MAP7: variants seen among roughly 807,000 people sequenced by gnomAD.
MAP7 encodes microtubule associated protein 7, also known as ensconsin.
Under a neutral mutation model 94.8 loss-of-function variants are expected in MAP7, and 52 were observed. The observed-to-expected ratio is 0.55, with a 90% CI of 0.44 to 0.69. The LOEUF (loss-of-function observed/expected upper bound fraction) is 0.69. MAP7 is among the 30% of genes least tolerant of loss of function. MAP7 has a pLI of 0.00. For synonymous variants in MAP7, 350 were observed against 357.0 expected (o/e 0.98, Z 0.22); for missense variants, 940 against 964.6 (o/e 0.97, Z 0.34).
At position 136,360,656 on chromosome 6, in the gene MAP7, G is replaced by A. The variant is rs530285134; in HGVS notation, c.1803+41C>T. 3.8e-4 allele frequency: 607 copies of A among 1,577,356 alleles called. 10 individuals are homozygous for A. In the South Asian group the frequency reaches 6.2e-3, roughly 16 times the overall value. ...GGGCTAGTCTCTGGGTCTTAGAGGT[G>A]CAAGTTCGCGTCCCGGGCCTCTCTA... On this transcript the variant is annotated intron_variant, in intron 13 of 17. Coordinates refer to ENST00000354570, the MANE Select transcript of MAP7 (RefSeq NM_003980.6).
chr6:136,502,826 T>C (rs566183778), intron 1 of MAP7, among the ~76,000 whole-genome samples: 2 of 149,904 alleles, frequency 1.3e-5, no homozygotes, highest in Non-Finnish European at 3.0e-5. Flanking sequence ...AGAATACTGA[T>C]TTTTTTTTTC....
chr6:136,395,408 ATTT>A (rs34425736), intron 3 of MAP7, among the ~76,000 whole-genome samples: 2,516 of 87,738 alleles, frequency 0.029, 70 homozygotes, highest in African/African-American at 0.099. Flanking sequence ...TTTAATTTGG[ATTT>A]TTTTTTTTTT....
intron 1 of MAP7, among the ~76,000 whole-genome samples, chr6:136,475,117 A>C (rs1455329361): frequency 1.3e-5 from 2 of 152,140 alleles, no homozygotes; most frequent in Non-Finnish European, 2.9e-5. Context: ...AAGTTATTTC[A>C]ATTTTTACTA....
chr6:136,456,825 A>AGAAGAAG (rs1562422425), intron 1 of MAP7, among the ~76,000 whole-genome samples: 95 of 120,074 alleles, frequency 7.9e-4, no homozygotes, highest in East Asian at 1.7e-3. Flanking sequence ...AGAAGAAGGA[A>AGAAGAAG]GAAGAAGAAG....
intron 1 of MAP7, among the ~76,000 whole-genome samples, chr6:136,477,898 T>A (rs965367718): frequency 2.0e-5 from 3 of 152,200 alleles, no homozygotes; most frequent in Non-Finnish European, 4.4e-5. Context: ...GGTTGGAACA[T>A]ATGTTAGGCC....
At chr6:136,524,937 A>C (rs979042024) in intron 1 of MAP7, among the ~76,000 whole-genome samples, 2 of 152,218 alleles carry the variant, frequency 1.3e-5, no homozygotes, top group African/African-American at 4.8e-5. Context: ...CTCATAACCC[A>C]TCTGTTTAAG....
chr6:136,533,513 A>G (rs1454984680), intron 1 of MAP7, among the ~76,000 whole-genome samples: 1 of 152,182 alleles, frequency 6.6e-6, no homozygotes, highest in East Asian at 1.9e-4. Flanking sequence ...TTCATTTCAG[A>G]ATGTTTTAAG....
intron 1 of MAP7, among the ~76,000 whole-genome samples, chr6:136,462,904 G>T (rs1394080000): frequency 1.3e-5 from 2 of 148,616 alleles, no homozygotes; most frequent in African/African-American, 4.9e-5. Context: ...AGAGGTTGCA[G>T]TGAGTCAAGA....
chr6:136,372,695 C>G (rs750039846), intron 7 of MAP7, 70 bp from the exon 8 acceptor site: 1 of 1,604,104 alleles, frequency 6.2e-7, no homozygotes, highest in Non-Finnish European at 8.5e-7. Flanking sequence ...GCCAGAGGAG[C>G]AGTTGAAGAA....
At chr6:136,468,992 G>GTT (rs964945139) in intron 1 of MAP7, among the ~76,000 whole-genome samples, 3 of 146,748 alleles carry the variant, frequency 2.0e-5, no homozygotes, top group African/African-American at 7.5e-5. Context: ...GTTTTTTGTT[G>GTT]TTTTTTTTTT....
Position 136,550,184 on chromosome 6 carries a change from GGA to G in MAP7, c.67+156_67+157del. Among the ~76,000 whole-genome samples the G allele has an allele frequency of 6.6e-6, 1 of 150,638 alleles. No homozygotes were observed. Among genetic ancestry groups the G allele is most frequent in the South Asian group, 2.1e-4 (1 of 4,816 alleles). ...GCGAAGGGCGGGGGAAGGCGCTCTC[GGA>G]GCAGGGTGCGCGGCGCGCAGGGCCG... On this transcript the variant is annotated intron_variant, in intron 1 of 17. Transcript: ENST00000354570. This position sits in a 1 kb window ranked among gnomAD's most constrained non-coding sequence, Gnocchi z 5.1.
intron 1 of MAP7, among the ~76,000 whole-genome samples, chr6:136,500,751 A>C (rs1357074146): frequency 1.3e-5 from 2 of 152,234 alleles, no homozygotes; most frequent in Non-Finnish European, 2.9e-5. Flanking sequence ...GAGTAATCCC[A>C]TATTCCAGGT....
At chr6:136,484,480 T>G (rs1813976983) in intron 1 of MAP7, among the ~76,000 whole-genome samples, 1 of 152,192 alleles carries the variant, frequency 6.6e-6, no homozygotes, top group South Asian at 2.1e-4. Flanking sequence ...TAATGCTTTC[T>G]TTGCCACCTA....
At chr6:136,364,205 CAAG>C (rs915664910) in intron 10 of MAP7, 3 of 531,592 alleles carry the variant, frequency 5.6e-6, no homozygotes, top group Admixed American at 2.0e-5. Context: ...AGGTGACCGT[CAAG>C]GAGGATAAGA....
chr6:136,423,673 G>A (rs755141668), intron 1 of MAP7, among the ~76,000 whole-genome samples: 1 of 149,280 alleles, frequency 6.7e-6, no homozygotes, highest in Non-Finnish European at 1.5e-5. Flanking sequence ...TGGGGGAGAT[G>A]ACAGTTTTCT....
Position 136,361,147 on chromosome 6 carries a change from G to T in MAP7, c.1559C>A (p.Ala520Asp). ...CTCACGGCGAGTCGTCCTCTCTTCA[G>T]CCACACGTTGAGCCAATTCCTCTCT... ...QKREELAQRV[A>D]EERTTRREEE... Residue 520 changes from alanine to aspartate, a missense_variant, in exon 12 of 18, where the codon GCT becomes GAT. Physicochemically the swap from Ala to Asp is moderately radical, Grantham distance 126 (BLOSUM62 -2). Coordinates refer to ENST00000354570, the MANE Select transcript of MAP7 (RefSeq NM_003980.6). 6.2e-7 allele frequency: 1 copy of T among 1,604,728 alleles called. No individual in the cohort carries two copies.
In MAP7 at chr6:136,365,938, G is replaced by C. The variant is rs745772438; in HGVS notation, c.1070C>G (p.Ala357Gly). The change falls in exon 10 of 18, where the codon GCT becomes GGT. Residue 357 changes from alanine (A) to glycine (G), a missense_variant. Ala to Gly is a moderately conservative substitution (Grantham distance 60, BLOSUM62 0). Transcript: ENST00000354570. ...SSLPPGSVKA[A>G]PAQVRPPSPG... ...GGATGGGGGCCGGACCTGAGCAGGAGCAGCTTTGACTGAGCCGGGTGGCAA... is the reference window on the plus strand; with the variant it reads ...GGATGGGGGCCGGACCTGAGCAGGACCAGCTTTGACTGAGCCGGGTGGCAA... The C allele has an allele frequency of 4.3e-6, 7 of 1,613,976 alleles. No individual in the cohort carries two copies. Among genetic ancestry groups the C allele is most frequent in the Admixed American group, 1.7e-5 (1 of 60,004 alleles).
chr6:136,475,972 A>G (rs1406667596), intron 1 of MAP7: 2 of 152,204 alleles, frequency 1.3e-5, no homozygotes, highest in South Asian at 2.1e-4. Flanking sequence ...CATACATTCT[A>G]TGAAACCATC....
chr6:136,509,561 T>G (rs1014508574), intron 1 of MAP7, among the ~76,000 whole-genome samples: 4 of 152,130 alleles, frequency 2.6e-5, no homozygotes, highest in African/African-American at 9.7e-5. Flanking sequence ...TTTCGGTTTT[T>G]GTTTTTGTTT....
Sources: allele counts gnomAD v4.1 joint callset (sites outside exome capture counted in the v4.1 genomes callset), GRCh38; gene constraint gnomAD v4.1.1; non-coding constraint Gnocchi (gnomAD v3.1); transcripts MANE v1.5; gene names NCBI Gene and HGNC (gene_info 2026-07-23, HGNC 2026-07-21).